The following ATE1 variants were observed in gnomAD, a reference collection of about 807,000 sequenced individuals.
The protein encoded by ATE1 is arginyl-tRNA--protein transferase 1.
Under a neutral mutation model 70.5 loss-of-function variants are expected in ATE1, and 36 were observed. The observed-to-expected ratio is 0.51, with a 90% CI of 0.39 to 0.67. The LOEUF is 0.67. Among genes scored for constraint, ATE1 ranks in the 30% least tolerant of loss-of-function variants. The pLI is 0.00. For missense variants in ATE1, 593 were observed against 629.5 expected, an observed-to-expected ratio of 0.94 and a Z score of 0.62; for synonymous variants, 232 against 219.3, an observed-to-expected ratio of 1.06 and a Z score of -0.51.
chr10:121,759,757 A>G (rs1590224480), intron 11 of ATE1, among the ~76,000 whole-genome samples: 2 of 151,834 alleles, frequency 1.3e-5, no homozygotes, highest in African/African-American at 4.8e-5. Context: ...AAGGTGAAGC[A>G]GCAAGTGCTA....
At chr10:121,749,456 T>C (rs1019005640) in intron 11 of ATE1, among the ~76,000 whole-genome samples, 4 of 152,100 alleles carry the variant, frequency 2.6e-5, no homozygotes, top group Non-Finnish European at 5.9e-5. Context: ...GAAATCAAGC[T>C]ACAACTGCAG....
rs747490754 is a variant in ATE1, at chr10:121,927,980, G to C, written c.-31C>G. 12 of 1,465,758 alleles carry C rather than the reference G, an allele frequency of 8.2e-6. No individual in the cohort carries two copies. Among genetic ancestry groups the C allele is most frequent in the Admixed American group, 2.5e-5 (1 of 40,184 alleles). The allele number at this position is 1,465,758 out of a possible 1,614,324, so 90.8% of individuals were successfully genotyped here. On this transcript the variant is annotated 5_prime_UTR_variant, in exon 1 of 12. Coordinates refer to ENST00000224652, the MANE Select transcript of ATE1 (RefSeq NM_001001976.3). ...CGGCCCCGCGAACGCTCAGCCGCCC[G>C]GCCCCGCGTCGCTAGCGCGGCCGCC...
At chr10:121,924,828 C>T (rs1299033809) in intron 1 of ATE1, among the ~76,000 whole-genome samples, 1 of 149,548 alleles carries the variant, frequency 6.7e-6, no homozygotes, top group African/African-American at 2.5e-5. Flanking sequence ...AAGAATGACA[C>T]TATATATATT....
At chr10:121,886,087 A>G (rs1254615394) in intron 7 of ATE1, among the ~76,000 whole-genome samples, 1 of 152,034 alleles carries the variant, frequency 6.6e-6, no homozygotes, top group Admixed American at 6.6e-5. Context: ...GGCACTCAAT[A>G]AGTTTCTAAT....
chr10:121,759,723 C>CAA (rs869041308), intron 11 of ATE1, among the ~76,000 whole-genome samples: 1,232 of 72,656 alleles, frequency 0.017, 16 homozygotes, highest in Middle Eastern at 0.059. Flanking sequence ...GACTCCGTCT[C>CAA]AAAAAAAAAA....
Position 121,790,195 on chromosome 10 carries a change from C to A in ATE1, c.1352G>T (p.Cys451Phe), listed in dbSNP as rs768938258. The change falls in exon 11 of 12, where the codon TGC (cysteine) becomes TTC (phenylalanine). Residue 451 changes from cysteine (C) to phenylalanine (F), a missense_variant. Around this residue, in one of 3 missense-constraint regions of ATE1, gnomAD observed 90 missense variants for 93.7 expected, o/e 0.96. Transcript: ENST00000224652. ...TGCTTCTGGGTCCTGGTTGAAACGG[C>A]AGTACTTGGAGTTTTCAAGTGAAGG... ...CLPSLENSKYCRFNQDPEAVD... is the reference protein window; with the variant it reads ...CLPSLENSKYFRFNQDPEAVD... 6.7e-5 allele frequency: 108 copies of A among 1,613,842 alleles called. No individual in the cohort carries two copies. Among genetic ancestry groups the A allele is most frequent in the Admixed American group, 1.0e-4 (6 of 59,984 alleles).
chr10:121,839,201 C>T (rs1948539755), intron 9 of ATE1, among the ~76,000 whole-genome samples: 1 of 152,218 alleles, frequency 6.6e-6, no homozygotes, highest in African/African-American at 2.4e-5. Flanking sequence ...CCTCCCGGCT[C>T]TCCAGCTCTA....
At chr10:121,911,717 A>G (rs530094648) in intron 4 of ATE1, among the ~76,000 whole-genome samples, 6 of 152,048 alleles carry the variant, frequency 3.9e-5, no homozygotes, top group Middle Eastern at 3.4e-3. Context: ...CCAACCTAGA[A>G]CACCCACACT....
chr10:121,822,563 C>A (rs1480599700), intron 10 of ATE1, among the ~76,000 whole-genome samples: 1 of 152,162 alleles, frequency 6.6e-6, no homozygotes, highest in Non-Finnish European at 1.5e-5. Flanking sequence ...AAAGAAACTA[C>A]AGGTAGGTAA....
At chr10:121,877,419 G>C (rs570518685) in intron 7 of ATE1, among the ~76,000 whole-genome samples, 30 of 152,146 alleles carry the variant, frequency 2.0e-4, no homozygotes, top group African/African-American at 7.2e-4. Context: ...AAACTCAAAG[G>C]CTTTCAAAAT....
intron 10 of ATE1, among the ~76,000 whole-genome samples, chr10:121,823,577 A>G (rs1239353600): frequency 6.6e-6 from 1 of 152,220 alleles, no homozygotes; most frequent in African/African-American, 2.4e-5. Flanking sequence ...CAGCCAGAGC[A>G]TGGGCTATGC....
chr10:121,898,980 A>C, intron 7 of ATE1: 1 of 1,612,074 alleles, frequency 6.2e-7, no homozygotes, highest in Non-Finnish European at 8.5e-7. Flanking sequence ...CTTCAGAGCA[A>C]GGAAAATACA....
At chr10:121,898,872 T>C (rs756440689) in intron 7 of ATE1, 1 of 1,613,832 alleles carries the variant, frequency 6.2e-7, no homozygotes, top group Non-Finnish European at 8.5e-7. Context: ...GGGTGGATCC[T>C]GGTGTATGGC....
intron 11 of ATE1, among the ~76,000 whole-genome samples, chr10:121,789,824 A>G (rs1010133204): frequency 1.3e-5 from 2 of 152,210 alleles, no homozygotes. Context: ...TCTTCTCTAC[A>G]TTGACTAAAT....
In ATE1 at chr10:121,817,341, C is replaced by CCATCCTGGCTAA. The variant is rs1438320147; in HGVS notation, c.1257+19376_1257+19377insTTAGCCAGGATG. ...GGATCACAAGGTCAGGAGATCGAGA[C>CCATCCTGGCTAA]CACGGTGAAACCCCGTCTCTACTAA... is the stretch of plus-strand genomic sequence containing the variant. On this transcript the variant is annotated intron_variant, in intron 10 of 11. Coordinates refer to ENST00000224652, the MANE Select transcript of ATE1 (RefSeq NM_001001976.3). Among the ~76,000 whole-genome samples the CCATCCTGGCTAA allele has an allele frequency of 2.6e-5, 4 of 152,240 alleles. No individual in the cohort carries two copies. In the East Asian group the frequency reaches 5.8e-4, roughly 22 times the overall value.
At chr10:121,889,064 A>T (rs532570772) in intron 7 of ATE1, among the ~76,000 whole-genome samples, 2 of 152,108 alleles carry the variant, frequency 1.3e-5, no homozygotes, top group African/African-American at 4.8e-5. Context: ...TCCAGTCTGG[A>T]GTTCAGTGGC....
intron 10 of ATE1, among the ~76,000 whole-genome samples, chr10:121,829,483 G>A (rs1465471008): frequency 1.3e-5 from 2 of 151,402 alleles, no homozygotes; most frequent in Non-Finnish European, 2.9e-5. Context: ...GCCGAGGCAG[G>A]TGGATCACGA....
At chr10:121,867,729 G>A (rs1000098673) in intron 8 of ATE1, among the ~76,000 whole-genome samples, 2 of 152,102 alleles carry the variant, frequency 1.3e-5, no homozygotes, top group Non-Finnish European at 2.9e-5. Context: ...TGTTTAAACT[G>A]AGATCTGCAT....
chr10:121,792,938 T>C (rs1489244217), intron 10 of ATE1, among the ~76,000 whole-genome samples: 1 of 152,182 alleles, frequency 6.6e-6, no homozygotes, highest in East Asian at 1.9e-4. Context: ...TGAACTATAC[T>C]TCCTCAAAAT....
Sources: gnomAD v4.1 joint callset for allele counts (sites outside exome capture counted in the v4.1 genomes callset) on GRCh38, gnomAD v4.1.1 for gene constraint, gnomAD v4.1.1 regional missense constraint, MANE v1.5 for transcripts, NCBI Gene and HGNC (gene_info 2026-07-23, HGNC 2026-07-21) for gene names.